ASAP1: variants seen among roughly 807,000 people sequenced by gnomAD.
ASAP1 encodes ArfGAP with SH3 domain, ankyrin repeat and PH domain 1, also known as arf-GAP with SH3 domain, ANK repeat and PH domain-containing protein 1.
ASAP1 carries 43 observed loss-of-function variants against 145.2 expected under a neutral mutation model. That is an observed-to-expected ratio of 0.30 (90% CI 0.23 to 0.38). ASAP1 has a LOEUF of 0.38. ASAP1 is among the 10% of genes least tolerant of loss of function. The probability of loss-of-function intolerance (pLI) is 1.00; values close to 1 mark genes in which losing one functional copy is unlikely to be tolerated. For synonymous variants in ASAP1, 546 were observed against 515.5 expected (o/e 1.06, Z -0.80); for missense variants, 1,018 against 1,355.3 (o/e 0.75, Z 3.91).
intron 24 of ASAP1, among the ~76,000 whole-genome samples, chr8:130,099,316 C>T (rs1240091869): frequency 6.6e-6 from 1 of 151,722 alleles, no homozygotes; most frequent in Non-Finnish European, 1.5e-5. Flanking sequence ...GTAGCTGGGA[C>T]TACAGGTGCC....
intron 3 of ASAP1, among the ~76,000 whole-genome samples, chr8:130,293,095 C>T (rs917012210): frequency 1.3e-5 from 2 of 152,206 alleles, no homozygotes; most frequent in African/African-American, 4.8e-5. Flanking sequence ...CAGAAAAATA[C>T]TCTTGTTCCT....
chr8:130,059,648 A>C (rs1221901353), intron 28 of ASAP1, among the ~76,000 whole-genome samples: 1 of 152,244 alleles, frequency 6.6e-6, no homozygotes, highest in Non-Finnish European at 1.5e-5. Flanking sequence ...CAATGGGAGA[A>C]CTTCTGGATA....
At chr8:130,091,109 TG>T (rs2097504532) in intron 25 of ASAP1, among the ~76,000 whole-genome samples, 2 of 152,216 alleles carry the variant, frequency 1.3e-5, no homozygotes, top group African/African-American at 4.8e-5. Context: ...GTCACTGAAA[TG>T]ATTAACAAGC....
chr8:130,127,027 C>G (rs2097576009), intron 16 of ASAP1, among the ~76,000 whole-genome samples: 1 of 152,136 alleles, frequency 6.6e-6, no homozygotes, highest in Non-Finnish European at 1.5e-5. Flanking sequence ...AGCAAAACAC[C>G]TAGCATGATT....
intron 11 of ASAP1, 29 bp downstream of exon 11, chr8:130,167,507 G>T (rs1586495717): frequency 6.4e-7 from 1 of 1,567,986 alleles, no homozygotes; most frequent in Non-Finnish European, 8.8e-7. Context: ...TACACTGTTA[G>T]CCCTGTTGTA....
At chr8:130,318,470 G>A (rs553786706) in intron 3 of ASAP1, among the ~76,000 whole-genome samples, 7 of 152,202 alleles carry the variant, frequency 4.6e-5, no homozygotes, top group Non-Finnish European at 8.8e-5. Context: ...GCACTACTAT[G>A]TGCCAGATAC....
At chr8:130,178,816 G>C (rs963827905) in intron 9 of ASAP1, among the ~76,000 whole-genome samples, 8 of 152,068 alleles carry the variant, frequency 5.3e-5, no homozygotes, top group African/African-American at 1.9e-4. Flanking sequence ...CTGAACCCAG[G>C]AGGCGGAGAT....
chr8:130,354,255 T>C (rs771001920), intron 3 of ASAP1, among the ~76,000 whole-genome samples: 12 of 152,150 alleles, frequency 7.9e-5, no homozygotes, highest in Non-Finnish European at 1.3e-4. Context: ...AATCATTTCA[T>C]CTCTCTGGGC....
At chr8:130,278,528 A>G (rs1565164719) in intron 3 of ASAP1, among the ~76,000 whole-genome samples, 1 of 152,230 alleles carries the variant, frequency 6.6e-6, no homozygotes, top group Non-Finnish European at 1.5e-5. Context: ...ATATATGCCA[A>G]TAAGAAAACA....
rs56996962 is a variant in ASAP1, at chr8:130,121,784, C to CAAAAAAAAAAAAA, written c.1607+2216_1607+2228dup. Among the ~76,000 whole-genome samples the CAAAAAAAAAAAAA allele has an allele frequency of 4.7e-4, 12 of 25,406 alleles. 1 individual carries two copies. Among genetic ancestry groups the CAAAAAAAAAAAAA allele is most frequent in the Non-Finnish European group, 8.3e-4 (9 of 10,788 alleles). The allele number at this position is 25,406 out of a possible 152,430, so 16.7% of individuals were successfully genotyped here. On this transcript the variant is annotated intron_variant, in intron 18 of 29. Transcript: ENST00000518721. ...AGGCTATGAGAGTGAAATTCCATCT[C>CAAAAAAAAAAAAA]AAAAAAAAAAAAAAAAAAAAAAAAA...
At chr8:130,158,046 T>C (rs574123090) in intron 12 of ASAP1, among the ~76,000 whole-genome samples, 28 of 152,278 alleles carry the variant, frequency 1.8e-4, no homozygotes, top group African/African-American at 6.7e-4. Context: ...CTTTGTTGAA[T>C]GCATGAGTAG....
chr8:130,218,867 A>ATATGTATG (rs1565101985), intron 4 of ASAP1, among the ~76,000 whole-genome samples: 2 of 149,426 alleles, frequency 1.3e-5, no homozygotes, highest in South Asian at 4.3e-4. Flanking sequence ...ATATATATGC[A>ATATGTATG]TATGTATGTA....
intron 26 of ASAP1, among the ~76,000 whole-genome samples, chr8:130,078,862 C>T (rs1027514838): frequency 6.6e-6 from 1 of 151,926 alleles, no homozygotes; most frequent in African/African-American, 2.4e-5. Flanking sequence ...GTAATTGGGC[C>T]TATCTCACAG....
intron 2 of ASAP1, among the ~76,000 whole-genome samples, chr8:130,367,642 G>T (rs752729281): frequency 1.3e-5 from 2 of 152,128 alleles, no homozygotes; most frequent in Admixed American, 6.5e-5. Flanking sequence ...GCTCTCAGAG[G>T]TCCCTTGGCA....
chr8:130,327,325 C>T (rs1824400403), intron 3 of ASAP1, among the ~76,000 whole-genome samples: 1 of 152,166 alleles, frequency 6.6e-6, no homozygotes, highest in Non-Finnish European at 1.5e-5. Context: ...GGGCAAGCTG[C>T]TGCTGTTATT....
intron 3 of ASAP1, among the ~76,000 whole-genome samples, chr8:130,356,721 C>G (rs1826332865): frequency 6.6e-6 from 1 of 152,072 alleles, no homozygotes; most frequent in Non-Finnish European, 1.5e-5. Context: ...CAGATGGGAC[C>G]CAGCACTAAC....
chr8:130,157,645 C>T (rs1414575571), intron 12 of ASAP1, among the ~76,000 whole-genome samples: 1 of 152,194 alleles, frequency 6.6e-6, no homozygotes. Flanking sequence ...ACCTTATCTC[C>T]TATGACCTCC....
At chr8:130,276,742 T>C (rs1490533666) in intron 3 of ASAP1, among the ~76,000 whole-genome samples, 1 of 149,810 alleles carries the variant, frequency 6.7e-6, no homozygotes, top group Non-Finnish European at 1.5e-5. Flanking sequence ...TCTCTCTCTC[T>C]CTCTCTCTCT....
intron 3 of ASAP1, among the ~76,000 whole-genome samples, chr8:130,304,769 T>C (rs1414347008): frequency 3.9e-5 from 6 of 152,196 alleles, no homozygotes; most frequent in African/African-American, 1.4e-4. Flanking sequence ...TCACAATCTA[T>C]TTTCCAGAGC....
Sources: gnomAD v4.1 joint callset for allele counts (sites outside exome capture counted in the v4.1 genomes callset) on GRCh38, gnomAD v4.1.1 for gene constraint, MANE v1.5 for transcripts, NCBI Gene and HGNC (gene_info 2026-07-23, HGNC 2026-07-21) for gene names.